The following SLC4A4 variants were observed in gnomAD, a reference collection of about 807,000 sequenced individuals.
SLC4A4 encodes the protein solute carrier family 4 member 4, also known as electrogenic sodium bicarbonate cotransporter 1.
Under a neutral mutation model 111.5 loss-of-function variants are expected in SLC4A4, and 27 were observed. That is an observed-to-expected ratio of 0.24 (90% CI 0.18 to 0.33). The LOEUF (loss-of-function observed/expected upper bound fraction) is 0.33. Among genes scored for constraint, SLC4A4 ranks in the 10% least tolerant of loss-of-function variants. The pLI is 1.00. For missense variants in SLC4A4, 909 were observed against 1,315.5 expected (o/e 0.69, Z 4.78); for synonymous variants, 443 against 463.4 (o/e 0.96, Z 0.57).
At chr4:71,334,317 A>G (rs7693985) in intron 3 of SLC4A4, among the ~76,000 whole-genome samples, 132,661 of 151,988 alleles carry the variant, frequency 0.87, 58,440 homozygotes, top group Non-Finnish European at 0.94. Flanking sequence ...CCTGGGAGCT[A>G]GGGCCTGGAA....
chr4:71,276,480 G>C (rs1578734150), intron 3 of SLC4A4, among the ~76,000 whole-genome samples: 1 of 151,486 alleles, frequency 6.6e-6, no homozygotes, highest in South Asian at 2.1e-4. Context: ...CCTATCCCTG[G>C]CAACTACCAA....
rs1273040926 is a variant in SLC4A4, at chr4:71,090,033, G to T, written c.-64-2697G>T. Among the ~76,000 whole-genome samples, 10 of 151,686 alleles carry T rather than the reference G, an allele frequency of 6.6e-5. 1 individual carries two copies. The highest frequency in any genetic ancestry group is 2.2e-4 in the African/African-American group (9 of 41,248). On this transcript the variant is annotated intron_variant, in intron 1 of 26. Coordinates refer to the SLC4A4 transcript ENST00000649996. ...GGCAGGCAGGCCTCCTGGAGCTGTG[G>T]TGGGCTCCACCCAGTTCGAGCTTCC...
intron 1 of SLC4A4, among the ~76,000 whole-genome samples, chr4:71,063,865 C>T (rs139570823): frequency 8.8e-4 from 134 of 152,124 alleles, no homozygotes; most frequent in African/African-American, 3.1e-3. Context: ...AGTATCCACC[C>T]CAAATGATTT....
At chr4:71,375,550 G>T (rs1012162366) in intron 6 of SLC4A4, among the ~76,000 whole-genome samples, 2 of 152,080 alleles carry the variant, frequency 1.3e-5, no homozygotes, top group Admixed American at 1.3e-4. Flanking sequence ...GCTCTTTACT[G>T]ACCTTGAACT....
At chr4:71,524,909 A>G (rs1245661657) in intron 16 of SLC4A4, among the ~76,000 whole-genome samples, 1 of 152,106 alleles carries the variant, frequency 6.6e-6, no homozygotes, top group African/African-American at 2.4e-5. Context: ...TCTCTTTATA[A>G]CAGCTGTATC....
At chr4:71,166,227 G>T (rs1164746394) in intron 2 of SLC4A4, among the ~76,000 whole-genome samples, 1 of 152,162 alleles carries the variant, frequency 6.6e-6, no homozygotes, top group East Asian at 1.9e-4. Flanking sequence ...GGAGTGATCA[G>T]CCACTAAATA....
chr4:71,110,823 A>G (rs1743065171), intron 2 of SLC4A4, among the ~76,000 whole-genome samples: 1 of 152,168 alleles, frequency 6.6e-6, no homozygotes. Flanking sequence ...AGTACTGTGT[A>G]TAATTTAGTT....
intron 1 of SLC4A4, among the ~76,000 whole-genome samples, chr4:71,227,304 C>T (rs1273047197): frequency 1.3e-5 from 2 of 152,152 alleles, no homozygotes; most frequent in Admixed American, 1.3e-4. Context: ...CCTGAGCTTA[C>T]GTTTCATGTT....
chr4:71,522,532 G>C (rs1484988975), intron 16 of SLC4A4, among the ~76,000 whole-genome samples: 1 of 152,180 alleles, frequency 6.6e-6, no homozygotes, highest in Non-Finnish European at 1.5e-5. Context: ...ATTGGGACTA[G>C]TAGAAATCAG....
intron 6 of SLC4A4, among the ~76,000 whole-genome samples, chr4:71,376,739 C>T (rs541517806): frequency 1.3e-5 from 2 of 151,924 alleles, no homozygotes; most frequent in East Asian, 1.9e-4. Context: ...TGGGTTCAAG[C>T]GATTCTCCTG....
chr4:71,304,490 A>T (rs1311618580), intron 3 of SLC4A4, among the ~76,000 whole-genome samples: 1 of 152,236 alleles, frequency 6.6e-6, no homozygotes, highest in Non-Finnish European at 1.5e-5. Flanking sequence ...ATGTCCAAGC[A>T]CATTGGTTGG....
chr4:71,534,757 C>G (rs1734262873), intron 18 of SLC4A4, among the ~76,000 whole-genome samples: 1 of 152,110 alleles, frequency 6.6e-6, no homozygotes, highest in African/African-American at 2.4e-5. Flanking sequence ...TCTGCTTTCT[C>G]TTAAATCAAC....
intron 6 of SLC4A4, among the ~76,000 whole-genome samples, chr4:71,358,305 A>G (rs552058270): frequency 5.6e-4 from 83 of 149,268 alleles, no homozygotes; most frequent in Non-Finnish European, 1.1e-3. Flanking sequence ...ACAGAGCGAG[A>G]CTCCGTCTGA....
intron 6 of SLC4A4, among the ~76,000 whole-genome samples, chr4:71,387,528 CT>C (rs1248365803): frequency 3.9e-5 from 6 of 152,044 alleles, no homozygotes; most frequent in African/African-American, 9.7e-5. Flanking sequence ...AAGTTTCACT[CT>C]TGTTGCCCAG....
intron 3 of SLC4A4, among the ~76,000 whole-genome samples, chr4:71,259,700 G>A (rs1180126664): frequency 6.6e-6 from 1 of 152,068 alleles, no homozygotes; most frequent in Non-Finnish European, 1.5e-5. Context: ...TGGGTGGGAA[G>A]GTGGTCCTGG....
intron 2 of SLC4A4, among the ~76,000 whole-genome samples, chr4:71,125,569 A>T (rs1314253408): frequency 6.6e-6 from 1 of 152,242 alleles, no homozygotes; most frequent in Non-Finnish European, 1.5e-5. Flanking sequence ...AAAAAAGAGA[A>T]TGCACCTAAT....
chr4:71,419,354 G>C (rs986811515), intron 7 of SLC4A4, among the ~76,000 whole-genome samples: 8 of 152,174 alleles, frequency 5.3e-5, no homozygotes, highest in Non-Finnish European at 8.8e-5. Flanking sequence ...CCACCCAGTT[G>C]GAGCTTCCCT....
intron 18 of SLC4A4, among the ~76,000 whole-genome samples, chr4:71,536,449 C>CATATATACATATATATATAT (rs1424582409): frequency 2.1e-4 from 1 of 4,848 alleles, no homozygotes; most frequent in African/African-American, 3.5e-4. Flanking sequence ...AGCATATATA[C>CATATATACATATATATATAT]ATATATACAT....
chr4:71,108,800 T>G (rs1280277928), intron 2 of SLC4A4, among the ~76,000 whole-genome samples: 4 of 152,170 alleles, frequency 2.6e-5, no homozygotes, highest in Admixed American at 2.6e-4. Flanking sequence ...TCAGTTATTT[T>G]GCCTTTCAAC....
Sources: allele counts gnomAD v4.1 joint callset (sites outside exome capture counted in the v4.1 genomes callset), GRCh38; gene constraint gnomAD v4.1.1; transcripts MANE v1.5; gene names NCBI Gene and HGNC (gene_info 2026-07-23, HGNC 2026-07-21).